ECE1: variants seen among roughly 807,000 people sequenced by gnomAD.
The protein encoded by ECE1 is endothelin-converting enzyme 1.
ECE1 carries 35 observed loss-of-function variants against 98.6 expected under a neutral mutation model. The observed-to-expected ratio is 0.35, with a 90% CI of 0.27 to 0.47. The LOEUF (loss-of-function observed/expected upper bound fraction) is 0.47, where lower values mean the gene tolerates loss of function less well. ECE1 is among the 20% of genes least tolerant of loss of function. ECE1 has a pLI of 1.00. For missense variants in ECE1, 814 were observed against 1,025.3 expected (o/e 0.79, Z 2.81); for synonymous variants, 394 against 407.1 (o/e 0.97, Z 0.39).
chr1:21,309,018 T>G (rs1067229), intron 1 of ECE1, among the ~76,000 whole-genome samples: 5,656 of 152,300 alleles, frequency 0.037, 356 homozygotes, highest in African/African-American at 0.13. Flanking sequence ...CTAGCAGGAA[T>G]CTGGCACAGG....
intron 10 of ECE1, among the ~76,000 whole-genome samples, chr1:21,243,399 TTA>T (rs2098199081): frequency 9.0e-6 from 1 of 110,814 alleles, no homozygotes; most frequent in African/African-American, 5.0e-5. Context: ...CATAAATATA[TTA>T]AAAAAAAAAA....
Position 21,247,216 on chromosome 1 carries a change from C to T in ECE1, c.1163+5G>A, listed in dbSNP as rs757558649. ...CGTGCCCCAGGCCACTGGGGGTCCT[C>T]TTACCATCTGTCGGTGGTGTTGATG... On this transcript the variant is annotated splice_donor_5th_base_variant and intron_variant, in intron 9 of 18. Transcript: ENST00000374893. The T allele has an allele frequency of 6.2e-7, 1 of 1,614,210 alleles. No homozygotes were observed.
chr1:21,256,380 AC>A (rs2098220000), intron 7 of ECE1, among the ~76,000 whole-genome samples: 1 of 152,064 alleles, frequency 6.6e-6, no homozygotes, highest in African/African-American at 2.4e-5. Context: ...ACATGGCGAA[AC>A]CCCGTCTCTA....
intron 6 of ECE1, among the ~76,000 whole-genome samples, chr1:21,257,792 C>CT (rs1276182592): frequency 6.6e-6 from 1 of 152,040 alleles, no homozygotes; most frequent in Non-Finnish European, 1.5e-5. Context: ...GTGGCCCCCC[C>CT]CCGCAGGGCT....
intron 10 of ECE1, among the ~76,000 whole-genome samples, chr1:21,241,278 T>C (rs2098195866): frequency 6.6e-6 from 1 of 152,044 alleles, no homozygotes; most frequent in Admixed American, 6.6e-5. Flanking sequence ...TCAGGTGATC[T>C]GCCCGCCTCA....
Position 21,290,223 on chromosome 1 carries a change from C to G in ECE1, c.52-67G>C. On this transcript the variant is annotated intron_variant, in intron 1 of 18. Transcript: ENST00000374893. This position sits in a 1 kb window ranked among gnomAD's most constrained non-coding sequence, Gnocchi z 7.3. ...TGGCTCTCGCGCCCGAATGGGGAAG[C>G]GGCCCCGACCCTGGCGCCGCCGCCG... 1.4e-6 allele frequency: 2 copies of G among 1,430,146 alleles called. No individual in the cohort carries two copies. Among genetic ancestry groups the G allele is most frequent in the Non-Finnish European group, 1.8e-6 (2 of 1,086,280 alleles). 88.6% of individuals were successfully genotyped at this position (1,430,146 alleles called of 1,614,324 possible).
At chr1:21,240,952 G>A (rs995685165) in intron 10 of ECE1, among the ~76,000 whole-genome samples, 3 of 152,226 alleles carry the variant, frequency 2.0e-5, no homozygotes, top group Non-Finnish European at 4.4e-5. Flanking sequence ...CCTGCATCCT[G>A]ACTGTGCTAG....
Position 21,245,108 on chromosome 1 carries a change from G to C in ECE1, c.1164-5C>G. On this transcript the variant is annotated splice_region_variant and splice_polypyrimidine_tract_variant and intron_variant, in intron 9 of 18. Transcript: ENST00000374893. ...ATCATGTAGTTGTTGAGCAGGCTGCGGGGAGAGGAGGCCAGAGAGGCTCAG... is the reference window on the plus strand; with the variant it reads ...ATCATGTAGTTGTTGAGCAGGCTGCCGGGAGAGGAGGCCAGAGAGGCTCAG... The C allele has an allele frequency of 6.2e-7, 1 of 1,612,818 alleles. No individual in the cohort carries two copies. The highest frequency in any genetic ancestry group is 1.1e-5 in the South Asian group (1 of 91,040).
chr1:21,242,159 G>C (rs1245498130), intron 10 of ECE1, among the ~76,000 whole-genome samples: 1 of 152,170 alleles, frequency 6.6e-6, no homozygotes, highest in Non-Finnish European at 1.5e-5. Flanking sequence ...GATAAGCAAG[G>C]CAGGGATCTG....
chr1:21,262,916 T>C (rs1573984597), intron 4 of ECE1, among the ~76,000 whole-genome samples: 1 of 152,138 alleles, frequency 6.6e-6, no homozygotes, highest in African/African-American at 2.4e-5. Flanking sequence ...TGGGGGACAG[T>C]GGGCAACATA....
chr1:21,330,717 T>C (rs896728830), intron 1 of ECE1, among the ~76,000 whole-genome samples: 7 of 152,210 alleles, frequency 4.6e-5, no homozygotes, highest in Admixed American at 3.9e-4. Context: ...CATTAAATGC[T>C]TCCTAGGCTA....
chr1:21,225,306 G>A lies in ECE1; in HGVS notation c.1984C>T (p.Arg662Trp), dbSNP rs201237429. The A allele has an allele frequency of 1.2e-5, 20 of 1,614,088 alleles. No homozygotes were observed. The highest frequency in any genetic ancestry group is 6.7e-5 in the African/African-American group (5 of 74,938). ...YSVNGEPVNG[R>W]HTLGENIADN... ...GCGATGTTCTCCCCCAGGGTGTGCC[G>A]CCCGTTCACCGGCTCCCCGTTCACG... Residue 662 changes from arginine (R) to tryptophan (W), a missense_variant, in exon 17 of 19, where the codon CGG (arginine) becomes TGG (tryptophan). Around this residue, in one of 3 missense-constraint regions of ECE1, gnomAD observed 452 missense variants for 567.3 expected, o/e 0.80. Coordinates refer to ENST00000374893, the MANE Select transcript of ECE1 (RefSeq NM_001397.3). This position sits in a 1 kb window ranked among gnomAD's most constrained non-coding sequence, Gnocchi z 5.3.
intron 3 of ECE1, among the ~76,000 whole-genome samples, chr1:21,277,367 C>T (rs1420690375): frequency 6.6e-6 from 1 of 152,244 alleles, no homozygotes; most frequent in Non-Finnish European, 1.5e-5. Context: ...ATCTTTGGAG[C>T]TCCGAGGGGC....
chr1:21,320,265 G>T (rs889402930), intron 1 of ECE1, among the ~76,000 whole-genome samples: 4 of 152,290 alleles, frequency 2.6e-5, no homozygotes, highest in African/African-American at 9.6e-5. Flanking sequence ...AGCTGTATGG[G>T]CTCAAACAGG....
chr1:21,231,819 G>T (rs2098182104), intron 14 of ECE1, among the ~76,000 whole-genome samples: 1 of 152,200 alleles, frequency 6.6e-6, no homozygotes, highest in African/African-American at 2.4e-5. Flanking sequence ...TCACCATGTT[G>T]CCCAGGCTGG....
At chr1:21,274,221 G>T (rs2098243890) in intron 3 of ECE1, among the ~76,000 whole-genome samples, 1 of 152,206 alleles carries the variant, frequency 6.6e-6, no homozygotes, top group Non-Finnish European at 1.5e-5. Flanking sequence ...TGAGAGCTGG[G>T]CCCAGGCCTG....
intron 13 of ECE1, among the ~76,000 whole-genome samples, chr1:21,234,390 T>A (rs1384063440): frequency 6.7e-6 from 1 of 150,370 alleles, no homozygotes; most frequent in Non-Finnish European, 1.5e-5. Context: ...GTAGCTACCA[T>A]ACTAGATCTC....
chr1:21,289,218 CCT>C (rs1243255276), intron 2 of ECE1, among the ~76,000 whole-genome samples: 1 of 152,172 alleles, frequency 6.6e-6, no homozygotes, highest in Non-Finnish European at 1.5e-5. Flanking sequence ...TGCCCCAGCT[CCT>C]CTTTCTACAC....
chr1:21,323,657 TAAAATAA>T (rs1639011327), intron 1 of ECE1, among the ~76,000 whole-genome samples: 1 of 138,764 alleles, frequency 7.2e-6, no homozygotes, highest in African/African-American at 2.8e-5. Flanking sequence ...TAAAATAAAA[TAAAATAA>T]AATAAGCCTT....
Sources: gnomAD v4.1 joint callset for allele counts (sites outside exome capture counted in the v4.1 genomes callset) on GRCh38, gnomAD v4.1.1 for gene constraint, gnomAD v4.1.1 regional missense constraint, Gnocchi (gnomAD v3.1) non-coding constraint, MANE v1.5 for transcripts, NCBI Gene and HGNC (gene_info 2026-07-23, HGNC 2026-07-21) for gene names.